EIF4G3: variants seen among roughly 807,000 people sequenced by gnomAD.
The protein encoded by EIF4G3 is eukaryotic translation initiation factor 4 gamma 3.
A neutral mutation model predicts 186.4 loss-of-function variants in EIF4G3; 34 were observed. That is an observed-to-expected ratio of 0.18 (90% CI 0.14 to 0.24). The LOEUF is 0.24. EIF4G3 is among the 10% of genes least tolerant of loss of function. The pLI is 1.00. For missense variants in EIF4G3, 1,536 were observed against 1,948.5 expected, an observed-to-expected ratio of 0.79 and a Z score of 3.99; for synonymous variants, 673 against 679.5, an observed-to-expected ratio of 0.99 and a Z score of 0.15.
intron 2 of EIF4G3, chr1:21,111,559 C>A: frequency 3.2e-6 from 1 of 307,940 alleles, no homozygotes; most frequent in Non-Finnish European, 6.5e-6. Flanking sequence ...ACCAACGGAT[C>A]TCCTAACTTC....
At chr1:20,882,620 C>CA (rs1185746238) in intron 19 of EIF4G3, among the ~76,000 whole-genome samples, 36 of 86,498 alleles carry the variant, frequency 4.2e-4, no homozygotes, top group East Asian at 2.3e-3. Context: ...GACTCCATCT[C>CA]AAAAAAAAAC....
intron 2 of EIF4G3, among the ~76,000 whole-genome samples, chr1:21,140,038 T>C (rs1490283005): frequency 6.6e-6 from 1 of 152,218 alleles, no homozygotes; most frequent in Non-Finnish European, 1.5e-5. Flanking sequence ...CTTTGCTCAG[T>C]GATTTAAAAA....
intron 4 of EIF4G3, among the ~76,000 whole-genome samples, chr1:21,020,365 C>A (rs1418859103): frequency 6.6e-6 from 1 of 152,066 alleles, no homozygotes; most frequent in Non-Finnish European, 1.5e-5. Flanking sequence ...TGGTGCATGC[C>A]TGTGGTCTGA....
chr1:20,837,573 A>C (rs1435851558), intron 30 of EIF4G3, among the ~76,000 whole-genome samples: 1 of 152,148 alleles, frequency 6.6e-6, no homozygotes, highest in Non-Finnish European at 1.5e-5. Flanking sequence ...TGCTTCCCCA[A>C]CTGTTCAGAA....
intron 4 of EIF4G3, among the ~76,000 whole-genome samples, chr1:21,013,242 A>C (rs1459718843): frequency 6.6e-6 from 1 of 152,204 alleles, no homozygotes; most frequent in East Asian, 1.9e-4. Flanking sequence ...GCGGCAGCCA[A>C]CTAAATGCCC....
At chr1:20,892,634 C>A in intron 18 of EIF4G3, 1 of 1,535,794 alleles carries the variant, frequency 6.5e-7, no homozygotes, top group Non-Finnish European at 8.7e-7. Flanking sequence ...GAGGCAGGCT[C>A]TTCATGGGTG....
At chr1:20,903,854 A>G (rs1005875030) in intron 15 of EIF4G3, among the ~76,000 whole-genome samples, 5 of 152,218 alleles carry the variant, frequency 3.3e-5, no homozygotes, top group African/African-American at 1.2e-4. Flanking sequence ...TTAAACCTTG[A>G]GTAAAATTTT....
intron 16 of EIF4G3, among the ~76,000 whole-genome samples, chr1:20,896,515 TA>T (rs1364233416): frequency 6.6e-6 from 1 of 151,258 alleles, no homozygotes; most frequent in East Asian, 1.9e-4. Flanking sequence ...TGTTTTAAGC[TA>T]AATATTATTA....
chr1:20,829,142 C>T lies in EIF4G3; in HGVS notation c.4187+5G>A, dbSNP rs766089399. 1 of 1,613,154 alleles carries T rather than the reference C, an allele frequency of 6.2e-7. No individual in the cohort carries two copies. Among genetic ancestry groups the T allele is most frequent in the Non-Finnish European group, 8.5e-7 (1 of 1,179,672 alleles). ...TATATATCAAGAGAAACAAGTATAA[C>T]TTACATGGTAAGTTCTCTCATGGAG... On this transcript the variant is annotated splice_donor_5th_base_variant and intron_variant, in intron 31 of 36. Coordinates refer to ENST00000602326, the MANE Select transcript of EIF4G3 (RefSeq NM_001391906.1).
intron 15 of EIF4G3, among the ~76,000 whole-genome samples, chr1:20,901,157 T>C (rs2154556682): frequency 6.6e-6 from 1 of 152,122 alleles, no homozygotes; most frequent in Admixed American, 6.5e-5. Context: ...ATAAAAACCC[T>C]CAAAAGACAG....
At chr1:20,896,809 T>C (rs1558127638) in intron 16 of EIF4G3, among the ~76,000 whole-genome samples, 1 of 152,222 alleles carries the variant, frequency 6.6e-6, no homozygotes, top group African/African-American at 2.4e-5. Context: ...ACCTTTTCTA[T>C]GTTTAGTTAT....
chr1:20,829,042 G>C (rs1349757143), intron 31 of EIF4G3, 105 bp downstream of exon 31: 1 of 1,234,420 alleles, frequency 8.1e-7, no homozygotes, highest in East Asian at 2.4e-5. Flanking sequence ...CTGCATTCAT[G>C]AGTCTCCAAA....
chr1:21,133,653 A>C (rs929581049), intron 2 of EIF4G3, among the ~76,000 whole-genome samples: 7 of 152,354 alleles, frequency 4.6e-5, no homozygotes, highest in African/African-American at 1.4e-4. Context: ...TGGAAAATCT[A>C]AAAGGAGTAG....
chr1:20,996,696 T>G (rs1446308292), intron 7 of EIF4G3, among the ~76,000 whole-genome samples: 1 of 152,234 alleles, frequency 6.6e-6, no homozygotes, highest in Non-Finnish European at 1.5e-5. Flanking sequence ...ACTGACTGCT[T>G]GTTTTGTGTC....
intron 2 of EIF4G3, among the ~76,000 whole-genome samples, chr1:21,141,034 G>A (rs2097328767): frequency 6.6e-6 from 1 of 152,050 alleles, no homozygotes; most frequent in South Asian, 2.1e-4. Flanking sequence ...TTACATTACA[G>A]TTTATATTTA....
chr1:20,807,207 G>C lies in EIF4G3; in HGVS notation c.*112C>G. ...TTTCCCCTCTCCCACTCGTGCACAC[G>C]TGGGGGTTTCTGCGAGAATTGGCCT... On this transcript the variant is annotated 3_prime_UTR_variant, in exon 37 of 37. Transcript: ENST00000602326. 1.1e-6 allele frequency: 1 copy of C among 947,458 alleles called. No individual in the cohort carries two copies. Among genetic ancestry groups the C allele is most frequent in the Non-Finnish European group, 1.5e-6 (1 of 646,246 alleles). 58.7% of individuals were successfully genotyped at this position (947,458 alleles called of 1,614,324 possible). A position where few individuals can be genotyped will look rare whatever the true frequency, so the allele number is the denominator to read the frequency against.
At chr1:21,091,128 A>G (rs886200190) in intron 2 of EIF4G3, among the ~76,000 whole-genome samples, 12 of 152,116 alleles carry the variant, frequency 7.9e-5, no homozygotes, top group Non-Finnish European at 1.5e-4. Flanking sequence ...CTTTGGAAAC[A>G]GCTATAGTCT....
chr1:21,169,678 A>G (rs2097919236), intron 2 of EIF4G3: 1 of 152,190 alleles, frequency 6.6e-6, no homozygotes, highest in Non-Finnish European at 1.5e-5. Flanking sequence ...AATACAACTC[A>G]GGCACTTCAG....
chr1:20,831,168 A>C (rs2065058644), intron 30 of EIF4G3, among the ~76,000 whole-genome samples: 1 of 152,172 alleles, frequency 6.6e-6, no homozygotes, highest in Non-Finnish European at 1.5e-5. Flanking sequence ...GAGACTGCAG[A>C]TATCCCTCCG....
Sources: gnomAD v4.1 joint callset for allele counts (sites outside exome capture counted in the v4.1 genomes callset) on GRCh38, gnomAD v4.1.1 for gene constraint, MANE v1.5 for transcripts, NCBI Gene and HGNC (gene_info 2026-07-23, HGNC 2026-07-21) for gene names.